Variants in RFC3 observed in about 807,000 individuals in gnomAD.
The protein encoded by RFC3 is replication factor C subunit 3.
Under a neutral mutation model 45.1 loss-of-function variants are expected in RFC3, and 41 were observed. The ratio of observed to expected loss-of-function variants is 0.91; its 90% CI spans 0.71 to 1.18. RFC3 has a LOEUF of 1.18. RFC3 is among the 50% of genes most tolerant of loss of function. The pLI is 0.00. For missense variants in RFC3, 423 were observed against 428.1 expected (o/e 0.99, Z 0.10); for synonymous variants, 149 against 144.0 (o/e 1.03, Z -0.25).
At chr13:33,914,308 A>G (rs2082720432) in intron 8 of RFC3, among the ~76,000 whole-genome samples, 1 of 152,136 alleles carries the variant, frequency 6.6e-6, no homozygotes, top group South Asian at 2.1e-4. Context: ...AGCATTTGAA[A>G]AGTAATTATC....
intron 5 of RFC3, 110 bp from the exon 6 acceptor site, chr13:33,830,609 A>T: frequency 1.3e-6 from 1 of 762,978 alleles, no homozygotes; most frequent in South Asian, 2.5e-5. Context: ...AGTTTCACTT[A>T]TAAGAATTTT....
chr13:33,942,626 T>C (rs1156889488), intron 8 of RFC3, among the ~76,000 whole-genome samples: 1 of 152,204 alleles, frequency 6.6e-6, no homozygotes, highest in Non-Finnish European at 1.5e-5. Context: ...TCTTGTAGTT[T>C]TATACCATAA....
intron 8 of RFC3, among the ~76,000 whole-genome samples, chr13:33,936,390 G>C (rs1451236455): frequency 2.0e-5 from 3 of 151,906 alleles, no homozygotes; most frequent in African/African-American, 7.3e-5. Flanking sequence ...TGCTATTATG[G>C]GTTGAATTTT....
downstream of RFC3, among the ~76,000 whole-genome samples, chr13:33,970,624 C>T (rs1427462970): frequency 6.6e-6 from 1 of 152,164 alleles, no homozygotes; most frequent in African/African-American, 2.4e-5. Flanking sequence ...TTCCAGGAAA[C>T]ACCAGTAGGG....
At chr13:33,962,207 T>G (rs2083061506) in intron 8 of RFC3, among the ~76,000 whole-genome samples, 1 of 152,148 alleles carries the variant, frequency 6.6e-6, no homozygotes, top group South Asian at 2.1e-4. Context: ...AATCCTAATT[T>G]GAGAATTAGC....
downstream of RFC3, among the ~76,000 whole-genome samples, chr13:33,840,104 A>T (rs1214667492): frequency 4.6e-5 from 7 of 152,276 alleles, no homozygotes; most frequent in South Asian, 1.0e-3. Flanking sequence ...GTGTGTGTTT[A>T]TCTTGCTTTA....
intron 8 of RFC3, among the ~76,000 whole-genome samples, chr13:33,881,865 T>C (rs560891201): frequency 6.6e-6 from 1 of 152,208 alleles, no homozygotes; most frequent in African/African-American, 2.4e-5. Flanking sequence ...TGAATGTTTA[T>C]CTGCTCAAGC....
Position 33,818,195 on chromosome 13 carries a change from A to G in RFC3, c.17A>G (p.Asp6Gly), listed in dbSNP as rs2081964936. The change falls in exon 1 of 9, where the codon GAC becomes GGC. Residue 6 changes from aspartate (D) to glycine (G), a missense_variant. By Grantham distance (94) the Asp-to-Gly change is moderately conservative. Transcript: ENST00000380071. MSLWV[D>G]KYRPCSLGRL... ...CGAGCTGCCATGAGCCTCTGGGTGGACAAGTATCGGCCCTGCTCCTTGGGA... is the reference window on the plus strand; with the variant it reads ...CGAGCTGCCATGAGCCTCTGGGTGGGCAAGTATCGGCCCTGCTCCTTGGGA... 1 of 1,613,520 alleles carries G rather than the reference A, an allele frequency of 6.2e-7. No individual in the cohort carries two copies. Among genetic ancestry groups the G allele is most frequent in the South Asian group, 1.1e-5 (1 of 91,056 alleles).
At chr13:33,826,781 A>T (rs1219815826) in intron 4 of RFC3, among the ~76,000 whole-genome samples, 1 of 151,956 alleles carries the variant, frequency 6.6e-6, no homozygotes, top group Non-Finnish European at 1.5e-5. Flanking sequence ...TAATCTGTAA[A>T]TTGTTTTTCC....
chr13:33,969,642 G>A (rs2083101976), downstream of RFC3, among the ~76,000 whole-genome samples: 1 of 152,154 alleles, frequency 6.6e-6, no homozygotes, highest in South Asian at 2.1e-4. Context: ...AAGTAGAAGA[G>A]CACAATAGAA....
chr13:33,957,083 T>A (rs2137850032), intron 8 of RFC3, among the ~76,000 whole-genome samples: 1 of 152,368 alleles, frequency 6.6e-6, no homozygotes. Context: ...TTTAAACATG[T>A]CCTTTTGTTA....
chr13:33,905,204 GTCTT>G (rs1180422649), intron 8 of RFC3, among the ~76,000 whole-genome samples: 1 of 151,200 alleles, frequency 6.6e-6, no homozygotes, highest in African/African-American at 2.4e-5. Context: ...TGCTGTAGTT[GTCTT>G]TACAACTACA....
chr13:33,862,993 T>C (rs1435459607), intron 8 of RFC3, among the ~76,000 whole-genome samples: 1 of 152,224 alleles, frequency 6.6e-6, no homozygotes, highest in Non-Finnish European at 1.5e-5. Context: ...CATGCATTTC[T>C]AAGAAAAGTT....
At chr13:33,959,929 G>T (rs1247181191) in intron 8 of RFC3, among the ~76,000 whole-genome samples, 1 of 152,166 alleles carries the variant, frequency 6.6e-6, no homozygotes, top group Admixed American at 6.5e-5. Flanking sequence ...GCTCAGGAAG[G>T]TTTTACTCAT....
chr13:33,912,371 G>A (rs2082708645), intron 8 of RFC3, among the ~76,000 whole-genome samples: 1 of 152,016 alleles, frequency 6.6e-6, no homozygotes, highest in Non-Finnish European at 1.5e-5. Context: ...TGTGACAAAT[G>A]CAATAAATGT....
At position 33,853,336 on chromosome 13, in the gene RFC3, T is replaced by A. The variant is rs183452955; in HGVS notation, c.879+18119T>A. ...TAGATGTGCATTAGACTTTATTAAT[T>A]AGGAAATAAGAGATATGAACTCTTA... On this transcript the variant is annotated intron_variant, in intron 8 of 8. Transcript: ENST00000434425. Among the ~76,000 whole-genome samples, 150 of 152,258 alleles carry A rather than the reference T, an allele frequency of 9.9e-4. 1 individual carries two copies. Among genetic ancestry groups the A allele is most frequent in the Non-Finnish European group, 1.6e-3 (111 of 68,004 alleles).
At chr13:33,895,144 A>ATAAAT (rs144972748) in intron 8 of RFC3, among the ~76,000 whole-genome samples, 26,817 of 151,976 alleles carry the variant, frequency 0.18, 5,085 homozygotes, top group African/African-American at 0.48. Flanking sequence ...ACAAACAAAA[A>ATAAAT]TAATGGGACC....
chr13:33,906,153 A>G (rs962729417), intron 8 of RFC3, among the ~76,000 whole-genome samples: 1 of 152,092 alleles, frequency 6.6e-6, no homozygotes, highest in African/African-American at 2.4e-5. Context: ...TCCTCAAAAC[A>G]CAGTTCTTAG....
chr13:33,934,917 T>G (rs2082876631), intron 8 of RFC3, among the ~76,000 whole-genome samples: 1 of 152,154 alleles, frequency 6.6e-6, no homozygotes, highest in Admixed American at 6.6e-5. Flanking sequence ...TCAGCCTGGA[T>G]GGCCGAATCC....
Sources: gnomAD v4.1 joint callset for allele counts (sites outside exome capture counted in the v4.1 genomes callset) on GRCh38, gnomAD v4.1.1 for gene constraint, MANE v1.5 for transcripts, NCBI Gene and HGNC (gene_info 2026-07-23, HGNC 2026-07-21) for gene names.